The following PRIM2 variants were observed in gnomAD, a reference collection of about 807,000 sequenced individuals.
PRIM2 encodes DNA primase subunit 2, also known as DNA primase large subunit.
In PRIM2, 39 loss-of-function variants were observed where a neutral mutation model predicts 67.3. The ratio of observed to expected loss-of-function variants is 0.58; its 90% CI spans 0.45 to 0.76. The LOEUF (loss-of-function observed/expected upper bound fraction) is 0.76, where lower values mean the gene tolerates loss of function less well. PRIM2 is among the 30% of genes least tolerant of loss of function. The pLI is 0.00. For synonymous variants in PRIM2, 143 were observed against 198.7 expected, an observed-to-expected ratio of 0.72 and a Z score of 2.36; for missense variants, 398 against 598.7, an observed-to-expected ratio of 0.66 and a Z score of 3.50.
intron 5 of PRIM2, among the ~76,000 whole-genome samples, chr6:57,329,642 C>T (rs1767986958): frequency 6.6e-6 from 1 of 152,106 alleles, no homozygotes; most frequent in South Asian, 2.1e-4. Flanking sequence ...GCTTGGTTCT[C>T]ATTCCCTCCC....
At chr6:57,590,687 C>T (rs1776268489) in intron 10 of PRIM2, among the ~76,000 whole-genome samples, 2 of 152,082 alleles carry the variant, frequency 1.3e-5, no homozygotes, top group South Asian at 4.1e-4. Flanking sequence ...TTGTAAGATT[C>T]CTGTTACAAC....
chr6:57,443,198 C>T (rs1772257727), intron 7 of PRIM2, among the ~76,000 whole-genome samples: 1 of 152,144 alleles, frequency 6.6e-6, no homozygotes, highest in Admixed American at 6.5e-5. Flanking sequence ...GTGAATAGTG[C>T]TTCAGTGGAC....
chr6:57,296,635 G>A, the PRIM2 span, among the ~76,000 whole-genome samples: 1 of 151,794 alleles, frequency 6.6e-6, no homozygotes, highest in Non-Finnish European at 1.5e-5. Context: ...TGGTGGTAGG[G>A]GAGCAGTAGT....
the PRIM2 span, among the ~76,000 whole-genome samples, chr6:57,272,256 G>A: frequency 1.3e-5 from 2 of 152,250 alleles, no homozygotes; most frequent in South Asian, 2.1e-4. Context: ...TTATTGTGTG[G>A]TAGTGTAAGT....
intron 7 of PRIM2, among the ~76,000 whole-genome samples, chr6:57,463,739 C>G (rs2127398484): frequency 6.6e-6 from 1 of 152,226 alleles, no homozygotes; most frequent in South Asian, 2.1e-4. Flanking sequence ...CATCTCAAAC[C>G]CACGCAAGCT....
intron 5 of PRIM2, among the ~76,000 whole-genome samples, chr6:57,372,861 G>A (rs1388825434): frequency 3.9e-5 from 6 of 152,106 alleles, no homozygotes; most frequent in Admixed American, 2.0e-4. Flanking sequence ...TCATTAATCG[G>A]CATTTGGGTT....
intron 13 of PRIM2, among the ~76,000 whole-genome samples, chr6:57,634,834 A>G (rs1184426027): frequency 3.3e-5 from 5 of 152,210 alleles, no homozygotes; most frequent in Admixed American, 6.5e-5. Context: ...GGAAAGACAT[A>G]TATCTAAATC....
At chr6:57,328,369 C>A (rs549619936) in intron 5 of PRIM2, among the ~76,000 whole-genome samples, 1 of 152,276 alleles carries the variant, frequency 6.6e-6, no homozygotes, top group South Asian at 2.1e-4. Context: ...CCTCTCCCAA[C>A]CCTTGGCAAC....
the PRIM2 span, among the ~76,000 whole-genome samples, chr6:57,299,090 C>CTG: frequency 3.2e-3 from 476 of 150,936 alleles, 4 homozygotes; most frequent in African/African-American, 9.6e-3. Context: ...CTCTCTTTTT[C>CTG]TGTGTGTGTG....
At chr6:57,269,241 G>C in the PRIM2 span, among the ~76,000 whole-genome samples, 2 of 151,684 alleles carry the variant, frequency 1.3e-5, no homozygotes, top group Middle Eastern at 3.2e-3. Flanking sequence ...CTAGTTTACA[G>C]TCCCACCAAC....
At chr6:57,550,173 C>T (rs1454951541) in intron 10 of PRIM2, among the ~76,000 whole-genome samples, 2 of 152,004 alleles carry the variant, frequency 1.3e-5, no homozygotes, top group Non-Finnish European at 2.9e-5. Flanking sequence ...TTTAAAGGTA[C>T]TCTTAACAGC....
chr6:57,286,505 G>A, the PRIM2 span, among the ~76,000 whole-genome samples: 1 of 152,032 alleles, frequency 6.6e-6, no homozygotes, highest in Non-Finnish European at 1.5e-5. Flanking sequence ...TAAACAATGG[G>A]GAAAAGATTC....
At chr6:57,244,006 T>C in the PRIM2 span, among the ~76,000 whole-genome samples, 5 of 152,176 alleles carry the variant, frequency 3.3e-5, no homozygotes, top group Admixed American at 2.6e-4. Context: ...TATGCAGCCA[T>C]AGCTGGACGA....
At chr6:57,364,803 C>T (rs1349056156) in intron 5 of PRIM2, among the ~76,000 whole-genome samples, 2 of 152,070 alleles carry the variant, frequency 1.3e-5, no homozygotes, top group Non-Finnish European at 2.9e-5. Context: ...CATTAGTTCT[C>T]CTGGGTTTGC....
chr6:57,407,726 T>G (rs1406286190), intron 7 of PRIM2, among the ~76,000 whole-genome samples: 1 of 152,236 alleles, frequency 6.6e-6, no homozygotes, highest in Non-Finnish European at 1.5e-5. Flanking sequence ...CATGTGGCAT[T>G]AAATCATTCT....
At chr6:57,374,678 C>T (rs1769696321) in intron 5 of PRIM2, among the ~76,000 whole-genome samples, 2 of 152,144 alleles carry the variant, frequency 1.3e-5, no homozygotes, top group African/African-American at 4.8e-5. Flanking sequence ...ACAACCTCCA[C>T]CTCCCAGGTT....
chr6:57,479,107 T>A (rs1773551325), intron 7 of PRIM2, among the ~76,000 whole-genome samples: 1 of 152,104 alleles, frequency 6.6e-6, no homozygotes, highest in Admixed American at 6.5e-5. Flanking sequence ...GATCGTGCCA[T>A]TGCACTCCAG....
At chr6:57,372,834 T>G (rs551940949) in intron 5 of PRIM2, among the ~76,000 whole-genome samples, 1 of 152,350 alleles carries the variant, frequency 6.6e-6, no homozygotes, top group Non-Finnish European at 1.5e-5. Flanking sequence ...TGTACCACAT[T>G]TTCTTTATCC....
the PRIM2 span, among the ~76,000 whole-genome samples, chr6:57,293,271 C>G: frequency 6.6e-6 from 1 of 152,188 alleles, no homozygotes; most frequent in South Asian, 2.1e-4. Flanking sequence ...AAATGCAAAT[C>G]AAAACCACAG....
Sources: gnomAD v4.1 joint callset for allele counts (sites outside exome capture counted in the v4.1 genomes callset) on GRCh38, gnomAD v4.1.1 for gene constraint, MANE v1.5 for transcripts, NCBI Gene and HGNC (gene_info 2026-07-23, HGNC 2026-07-21) for gene names.